FAM227A: variants seen among roughly 807,000 people sequenced by gnomAD.
FAM227A encodes protein FAM227A.
A neutral mutation model predicts 74.7 loss-of-function variants in FAM227A; 80 were observed. That is an observed-to-expected ratio of 1.07 (90% confidence interval 0.89 to 1.29). The LOEUF is 1.29. FAM227A is among the 50% of genes most tolerant of loss of function. The pLI, the probability that FAM227A is intolerant of heterozygous loss-of-function variation, is 0.00. For missense variants in FAM227A, 654 were observed against 683.4 expected (o/e 0.96, Z 0.48); for synonymous variants, 237 against 241.8 (o/e 0.98, Z 0.19).
At chr22:38,621,940 T>C (rs1483460676) in intron 10 of FAM227A, among the ~76,000 whole-genome samples, 1 of 151,750 alleles carries the variant, frequency 6.6e-6, no homozygotes, top group African/African-American at 2.4e-5. Context: ...CAGTGCCCAA[T>C]CCCCTGCAGG....
rs910875019 is a variant in FAM227A at position 38,628,253 on chromosome 22, T to C, written c.711A>G (p.Glu237=). The C allele has an allele frequency of 1.7e-5, 27 of 1,548,778 alleles. No homozygotes were observed. Among genetic ancestry groups the C allele is most frequent in the African/African-American group, 4.1e-5 (3 of 72,976 alleles). The part of the protein sequence containing the change: ...LLFRVPKSHS[E]EALLKRLPSL... ...TGATGCTCACTTTTAAGAGCGCCTC[T>C]TCAGAGTGGGACTTGGGTACACGAA... The change falls in exon 8 of 17, where the codon GAA becomes GAG. Residue 237 remains glutamate (E), a synonymous_variant. Coordinates refer to ENST00000535113, the MANE Select transcript of FAM227A (RefSeq NM_001013647.2).
At chr22:38,634,973 G>A (rs1475798474) in intron 6 of FAM227A, among the ~76,000 whole-genome samples, 2 of 152,114 alleles carry the variant, frequency 1.3e-5, no homozygotes, top group Admixed American at 6.6e-5. Flanking sequence ...GGGGTCGGGC[G>A]CAGTGGCTCA....
intron 11 of FAM227A, among the ~76,000 whole-genome samples, chr22:38,615,566 A>G (rs2091558144): frequency 6.6e-6 from 1 of 152,180 alleles, no homozygotes; most frequent in African/African-American, 2.4e-5. Context: ...CAAAGGCCCA[A>G]CCAGGCATAG....
At chr22:38,611,068 A>G (rs2091402860) in intron 11 of FAM227A, among the ~76,000 whole-genome samples, 2 of 140,846 alleles carry the variant, frequency 1.4e-5, no homozygotes, top group Admixed American at 7.1e-5. Context: ...TCGAAAAAAG[A>G]AAAAAAAAAT....
rs1379278717 is a variant in FAM227A at position 38,613,116 on chromosome 22, TTATA to T, written c.1039-5644_1039-5641del. On this transcript the variant is annotated intron_variant, in intron 11 of 16. Coordinates refer to ENST00000535113, the MANE Select transcript of FAM227A (RefSeq NM_001013647.2). Reference sequence around the variant, plus strand: ...TATATTATATATAATTATATATATATTATATATAATTATATATATAATATATATA... The same window carrying T: ...TATATTATATATAATTATATATATATTATAATTATATATATAATATATATA... 7.0e-4 allele frequency among the ~76,000 whole-genome samples: 64 copies of T among 91,130 alleles called. No homozygotes were observed. The South Asian group carries it at 0.013, about 19-fold the overall frequency. 59.8% of individuals were successfully genotyped at this position (91,130 alleles called of 152,430 possible). A position where few individuals can be genotyped will look rare whatever the true frequency, so the allele number is the denominator to read the frequency against.
chr22:38,645,268 G>A (rs2092212215), intron 3 of FAM227A, among the ~76,000 whole-genome samples: 1 of 152,006 alleles, frequency 6.6e-6, no homozygotes, highest in Non-Finnish European at 1.5e-5. Context: ...GCACGCACCT[G>A]TAGTCCCAGC....
intron 11 of FAM227A, among the ~76,000 whole-genome samples, chr22:38,613,364 A>ATGT (rs2091497805): frequency 2.5e-5 from 2 of 81,524 alleles, no homozygotes; most frequent in Non-Finnish European, 4.3e-5. Flanking sequence ...AATATATATC[A>ATGT]TATATAATAT....
chr22:38,609,597 G>A (rs1172581486), intron 11 of FAM227A, among the ~76,000 whole-genome samples: 5 of 152,154 alleles, frequency 3.3e-5, no homozygotes, highest in African/African-American at 1.2e-4. Context: ...AACAACAACC[G>A]TTTGCTTTTA....
At position 38,623,292 on chromosome 22, in the gene FAM227A, T is replaced by C. The variant is rs2091730671; in HGVS notation, c.851-13A>G. ...CTAGGATAGGTGCCTAAGGGAGGAG[T>C]CAAGAGTGAGAATGGGGCCGGGTGC... On this transcript the variant is annotated splice_polypyrimidine_tract_variant and intron_variant, in intron 9 of 16. Coordinates refer to ENST00000535113, the MANE Select transcript of FAM227A (RefSeq NM_001013647.2). 3 of 1,533,692 alleles carry C rather than the reference T, an allele frequency of 2.0e-6. No homozygotes were observed. The highest frequency in any genetic ancestry group is 2.4e-5 in the East Asian group (1 of 40,822).
chr22:38,620,948 A>T (rs2091676930), intron 10 of FAM227A, among the ~76,000 whole-genome samples: 1 of 152,188 alleles, frequency 6.6e-6, no homozygotes. Flanking sequence ...CTTAAGAAAC[A>T]ATCTATCAAA....
chr22:38,601,021 C>T (rs894228425), intron 13 of FAM227A, among the ~76,000 whole-genome samples: 3 of 150,750 alleles, frequency 2.0e-5, no homozygotes, highest in Non-Finnish European at 4.4e-5. Flanking sequence ...CTTACCAAAA[C>T]GTTAATAATT....
chr22:38,639,656 T>G lies in FAM227A; in HGVS notation c.294A>C (p.Lys98Asn). ...REKTRSSPEDKVKRQRKSQYS... is the reference protein window; with the variant it reads ...REKTRSSPEDNVKRQRKSQYS... ...CAAGGCTGAGGGAAAGGTTTTTGCC[T>G]TTGTCTTCTGGACTGCTGCGAGTTT... Residue 98 changes from lysine (K) to asparagine (N), a missense_variant and splice_region_variant, in exon 4 of 17, where the codon AAA becomes AAC. Transcript: ENST00000535113. The G allele has an allele frequency of 6.4e-7, 1 of 1,551,906 alleles. No individual in the cohort carries two copies. Among genetic ancestry groups the G allele is most frequent in the African/African-American group, 1.4e-5 (1 of 73,164 alleles).
At chr22:38,602,176 T>G (rs1035835296) in intron 13 of FAM227A, among the ~76,000 whole-genome samples, 12 of 152,228 alleles carry the variant, frequency 7.9e-5, no homozygotes, top group African/African-American at 2.9e-4. Context: ...GGATTTCTTC[T>G]GTCTCCAGCA....
chr22:38,604,996 C>T (rs1423014899), intron 13 of FAM227A, among the ~76,000 whole-genome samples: 1 of 151,870 alleles, frequency 6.6e-6, no homozygotes, highest in Non-Finnish European at 1.5e-5. Context: ...CTTTTAGTAT[C>T]ACTTATTTGC....
At chr22:38,600,778 C>T (rs1288019475) in intron 13 of FAM227A, among the ~76,000 whole-genome samples, 1 of 151,624 alleles carries the variant, frequency 6.6e-6, no homozygotes, top group African/African-American at 2.4e-5. Context: ...ATGGTAAAAC[C>T]CTGTCTCTAC....
At chr22:38,645,430 A>T in intron 3 of FAM227A, 133 bp downstream of exon 3, 1 of 608,954 alleles carries the variant, frequency 1.6e-6, no homozygotes, top group Non-Finnish European at 2.9e-6. Context: ...TAAAAAAATT[A>T]ACTTTGAATA....
At chr22:38,615,680 G>T (rs1470064993) in intron 11 of FAM227A, among the ~76,000 whole-genome samples, 1 of 152,206 alleles carries the variant, frequency 6.6e-6, no homozygotes, top group Non-Finnish European at 1.5e-5. Context: ...GTACGGCACT[G>T]CAAGTCAGGT....
At chr22:38,605,101 T>C (rs1336770667) in intron 13 of FAM227A, among the ~76,000 whole-genome samples, 153 bp downstream of exon 13, 2 of 152,182 alleles carry the variant, frequency 1.3e-5, no homozygotes, top group Non-Finnish European at 2.9e-5. Flanking sequence ...CAGAGGACTG[T>C]GACAGTAGAA....
At chr22:38,593,460 G>C (rs994928119) in intron 15 of FAM227A, among the ~76,000 whole-genome samples, 1 of 152,140 alleles carries the variant, frequency 6.6e-6, no homozygotes, top group Non-Finnish European at 1.5e-5. Context: ...AGCCGAGACT[G>C]CGCCTCTGCA....
Sources: gnomAD v4.1 joint callset for allele counts (sites outside exome capture counted in the v4.1 genomes callset) on GRCh38, gnomAD v4.1.1 for gene constraint, MANE v1.5 for transcripts, NCBI Gene and HGNC (gene_info 2026-07-23, HGNC 2026-07-21) for gene names.